The following LCLAT1 variants were observed in gnomAD, a reference collection of about 807,000 sequenced individuals.
LCLAT1 encodes the protein lysocardiolipin acyltransferase 1.
A neutral mutation model predicts 30.7 loss-of-function variants in LCLAT1; 11 were observed. That is an observed-to-expected ratio of 0.36 (90% confidence interval 0.23 to 0.59). The LOEUF is 0.59. Among genes scored for constraint, LCLAT1 ranks in the 20% least tolerant of loss-of-function variants. The probability of loss-of-function intolerance (pLI) is 0.77; values close to 1 mark genes in which losing one functional copy is unlikely to be tolerated. For synonymous variants in LCLAT1, 155 were observed against 151.3 expected (o/e 1.02, Z -0.18); for missense variants, 402 against 458.6 (o/e 0.88, Z 1.13).
At chr2:30,531,933 T>C (rs13432085) in intron 2 of LCLAT1, among the ~76,000 whole-genome samples, 19,219 of 152,168 alleles carry the variant, frequency 0.13, 1,352 homozygotes, top group South Asian at 0.23. Flanking sequence ...GGTCAAGAAA[T>C]ACAGCATTGT....
rs1669305228 is a variant in LCLAT1, at chr2:30,641,536, T to A, written c.*917T>A. On this transcript the variant is annotated 3_prime_UTR_variant, in exon 6 of 6. Coordinates refer to ENST00000379509, the MANE Select transcript of LCLAT1 (RefSeq NM_001002257.3). ...AACCTACCAAAAAAGGAAGGTTGTT[T>A]TTTCTACATGTGCTTGGGTATCTAA... 6.6e-6 allele frequency: 1 copy of A among 152,224 alleles called. No individual in the cohort carries two copies. The highest frequency in any genetic ancestry group is 1.5e-5 in the Non-Finnish European group (1 of 68,046). 9.4% of individuals were successfully genotyped at this position (152,224 alleles called of 1,614,324 possible).
At chr2:30,600,224 A>C (rs544243751) in intron 5 of LCLAT1, among the ~76,000 whole-genome samples, 7 of 152,348 alleles carry the variant, frequency 4.6e-5, no homozygotes, top group Admixed American at 1.3e-4. Flanking sequence ...ACTCAAAACC[A>C]TACAACTACA....
chr2:30,571,482 T>C (rs1014911518), intron 5 of LCLAT1, among the ~76,000 whole-genome samples: 7 of 152,248 alleles, frequency 4.6e-5, no homozygotes, highest in Non-Finnish European at 8.8e-5. Flanking sequence ...TCGACTATTT[T>C]AATTTCTTAG....
intron 5 of LCLAT1, among the ~76,000 whole-genome samples, chr2:30,634,993 A>G (rs1290229908): frequency 6.6e-6 from 1 of 152,216 alleles, no homozygotes; most frequent in Non-Finnish European, 1.5e-5. Context: ...GGATATGAGA[A>G]ATCAGTTCTT....
intron 5 of LCLAT1, among the ~76,000 whole-genome samples, chr2:30,616,735 G>A (rs2148511587): frequency 6.6e-6 from 1 of 151,792 alleles, no homozygotes; most frequent in Non-Finnish European, 1.5e-5. Flanking sequence ...CATTAACCAG[G>A]AAAGGAAAAA....
intron 1 of LCLAT1, among the ~76,000 whole-genome samples, chr2:30,497,718 G>T (rs1294125419): frequency 6.6e-6 from 1 of 152,040 alleles, no homozygotes; most frequent in East Asian, 1.9e-4. Context: ...GCTTTGCTTT[G>T]TTGGTCTTCT....
chr2:30,537,796 G>T (rs191935188), intron 3 of LCLAT1, among the ~76,000 whole-genome samples: 130 of 152,218 alleles, frequency 8.5e-4, no homozygotes, highest in African/African-American at 2.7e-3. Context: ...TCATCAATTC[G>T]TGGAACATTC....
chr2:30,547,042 A>G (rs1572606236), intron 3 of LCLAT1, among the ~76,000 whole-genome samples: 1 of 149,618 alleles, frequency 6.7e-6, no homozygotes, highest in Admixed American at 6.6e-5. Context: ...GTAACACTCC[A>G]CTCCTGCCAG....
intron 3 of LCLAT1, among the ~76,000 whole-genome samples, chr2:30,540,371 T>C (rs1034903825): frequency 6.6e-6 from 1 of 152,248 alleles, no homozygotes; most frequent in African/African-American, 2.4e-5. Context: ...CCATCCACTG[T>C]TTAAATTTTT....
At chr2:30,587,635 G>A (rs1483531381) in intron 5 of LCLAT1, among the ~76,000 whole-genome samples, 1 of 152,158 alleles carries the variant, frequency 6.6e-6, no homozygotes, top group Non-Finnish European at 1.5e-5. Context: ...AAAGACAACA[G>A]GATGGTGAAG....
chr2:30,630,061 C>G (rs557972083), intron 5 of LCLAT1, among the ~76,000 whole-genome samples: 4 of 152,048 alleles, frequency 2.6e-5, no homozygotes, highest in Admixed American at 1.3e-4. Context: ...GTTCTGGAGG[C>G]CAGAAGACCA....
rs566413198 is a variant in LCLAT1, at chr2:30,619,340, A to G, written c.629-20777A>G. Among the ~76,000 whole-genome samples the G allele has an allele frequency of 6.2e-4, 94 of 152,292 alleles. 1 individual carries two copies. The highest frequency in any genetic ancestry group is 2.1e-3 in the African/African-American group (89 of 41,570). ...CCCACATGGCTCTAACACCAAAACC[A>G]TAGCATTCTCTTTTGGATTCAGGCT... On this transcript the variant is annotated intron_variant, in intron 5 of 5. Transcript: ENST00000379509.
chr2:30,561,158 G>T (rs1252541026), intron 3 of LCLAT1, among the ~76,000 whole-genome samples: 2 of 152,130 alleles, frequency 1.3e-5, no homozygotes, highest in Non-Finnish European at 2.9e-5. Context: ...GGCCAGGCTG[G>T]TCTCGAACTC....
chr2:30,493,735 A>G (rs829652), intron 1 of LCLAT1, among the ~76,000 whole-genome samples: 14,474 of 152,262 alleles, frequency 0.095, 730 homozygotes, highest in East Asian at 0.12. Flanking sequence ...ATGGACTAGA[A>G]TAATGGGGGC....
chr2:30,482,865 C>A (rs1396040524), intron 1 of LCLAT1, among the ~76,000 whole-genome samples: 1 of 151,722 alleles, frequency 6.6e-6, no homozygotes, highest in Non-Finnish European at 1.5e-5. Flanking sequence ...TAAGAAGCAC[C>A]CTCTCTGGAG....
intron 1 of LCLAT1, among the ~76,000 whole-genome samples, chr2:30,521,487 TTCTTC>T (rs1685467031): frequency 7.5e-5 from 2 of 26,588 alleles, no homozygotes; most frequent in African/African-American, 2.4e-4. Flanking sequence ...CCTAAACTAC[TTCTTC>T]TTTTTTTTTT....
intron 3 of LCLAT1, among the ~76,000 whole-genome samples, chr2:30,553,545 G>A (rs1355154612): frequency 2.0e-5 from 3 of 152,210 alleles, no homozygotes; most frequent in Non-Finnish European, 4.4e-5. Context: ...GCCGGGCGCG[G>A]TGGCTCACGC....
chr2:30,451,950 A>G (rs112118093), intron 1 of LCLAT1, among the ~76,000 whole-genome samples: 79 of 152,390 alleles, frequency 5.2e-4, no homozygotes, highest in African/African-American at 1.1e-3. Flanking sequence ...ATCAACATGG[A>G]TGTATCTTAC....
chr2:30,548,340 G>T (rs1375863337), intron 3 of LCLAT1, among the ~76,000 whole-genome samples: 1 of 152,108 alleles, frequency 6.6e-6, no homozygotes, highest in Non-Finnish European at 1.5e-5. Context: ...TACAGCTTGG[G>T]TTTATATATT....
Sources: gnomAD v4.1 joint callset for allele counts (sites outside exome capture counted in the v4.1 genomes callset) on GRCh38, gnomAD v4.1.1 for gene constraint, MANE v1.5 for transcripts, NCBI Gene and HGNC (gene_info 2026-07-23, HGNC 2026-07-21) for gene names.